Variants in ASS1 observed in about 807,000 individuals in gnomAD.
The protein encoded by ASS1 is argininosuccinate synthase 1, also known as argininosuccinate synthase.
ASS1 carries 58 observed loss-of-function variants against 60.5 expected under a neutral mutation model. The observed-to-expected ratio is 0.96, with a 90% CI of 0.78 to 1.19. The LOEUF (loss-of-function observed/expected upper bound fraction) is 1.19, where lower values mean the gene tolerates loss of function less well. Ranked by LOEUF, ASS1 falls within the 50% of genes most tolerant of loss-of-function variation. ASS1 has a pLI of 0.00. For synonymous variants in ASS1, 200 were observed against 206.9 expected, an observed-to-expected ratio of 0.97 and a Z score of 0.29; for missense variants, 454 against 547.3, an observed-to-expected ratio of 0.83 and a Z score of 1.70.
intron 1 of ASS1, among the ~76,000 whole-genome samples, chr9:130,446,053 T>C (rs1845186421): frequency 6.6e-6 from 1 of 152,230 alleles, no homozygotes; most frequent in Admixed American, 6.5e-5. Flanking sequence ...GGACTCGTCA[T>C]GTTGCCCAGG....
At chr9:130,500,268 T>C (rs1247054998) in intron 14 of ASS1, among the ~76,000 whole-genome samples, 1 of 152,164 alleles carries the variant, frequency 6.6e-6, no homozygotes, top group African/African-American at 2.4e-5. Flanking sequence ...TAAGCTGCTC[T>C]GGGACACTCT....
intron 13 of ASS1, among the ~76,000 whole-genome samples, chr9:130,499,076 G>A (rs1439823670): frequency 6.6e-6 from 1 of 152,206 alleles, no homozygotes; most frequent in Non-Finnish European, 1.5e-5. Flanking sequence ...AAATGCCCTT[G>A]TGCTATTGCA....
intron 1 of ASS1, among the ~76,000 whole-genome samples, chr9:130,450,030 G>A (rs908038368): frequency 6.6e-6 from 1 of 152,094 alleles, no homozygotes; most frequent in African/African-American, 2.4e-5. Context: ...AGAATTTCCC[G>A]CAACCCAACC....
At chr9:130,479,944 C>G in intron 10 of ASS1, 144 bp downstream of exon 10, 3 of 1,016,772 alleles carry the variant, frequency 3.0e-6, no homozygotes, top group Non-Finnish European at 4.7e-6. Context: ...CACAGAGTTT[C>G]CCGGACCAGG....
At chr9:130,482,798 GA>G (rs1205229962) in intron 11 of ASS1, among the ~76,000 whole-genome samples, 1 of 152,210 alleles carries the variant, frequency 6.6e-6, no homozygotes, top group Non-Finnish European at 1.5e-5. Context: ...CCCACCTGGG[GA>G]AAGCTTCCTG....
At position 130,491,146 on chromosome 9, in the gene ASS1, T is replaced by C. The variant is rs574294047; in HGVS notation, c.970+1682T>C. On this transcript the variant is annotated intron_variant, in intron 12 of 14. Coordinates refer to ENST00000352480, the MANE Select transcript of ASS1 (RefSeq NM_054012.4). The surrounding 1 kb of genome is among the most constrained non-coding windows in gnomAD (Gnocchi z 5.3). The stretch of plus-strand genomic sequence containing the variant: ...GGCTGGCGTTATTTCTCCCTGCCAT[T>C]GTTCCTTGCAGCTTTGAAGCCAAGT... 4.5e-4 allele frequency among the ~76,000 whole-genome samples: 68 copies of C among 152,340 alleles called. No individual in the cohort carries two copies. Among genetic ancestry groups the C allele is most frequent in the African/African-American group, 1.6e-3 (65 of 41,576 alleles).
At position 130,470,239 on chromosome 9, in the gene ASS1, C is replaced by T. The variant is rs1415687789; in HGVS notation, c.496-595C>T. 1.3e-5 allele frequency among the ~76,000 whole-genome samples: 2 copies of T among 152,198 alleles called. No homozygotes were observed. The highest frequency in any genetic ancestry group is 2.4e-5 in the African/African-American group (1 of 41,448). ...ACAACAGACTGGGCCATTTAGGAAG[C>T]GAAACAGAGCCAGAGCCGAGTGCCT... On this transcript the variant is annotated intron_variant, in intron 6 of 14. Coordinates refer to ENST00000352480, the MANE Select transcript of ASS1 (RefSeq NM_054012.4). This position sits in a 1 kb window ranked among gnomAD's most constrained non-coding sequence, Gnocchi z 4.3.
At chr9:130,455,645 T>C (rs190195857) in intron 3 of ASS1, among the ~76,000 whole-genome samples, 112 of 152,336 alleles carry the variant, frequency 7.4e-4, no homozygotes, top group Middle Eastern at 3.4e-3. Context: ...TACAGGGCAT[T>C]TATGATGAAC....
Position 130,458,605 on chromosome 9 carries a change from A to G in ASS1, c.363+16A>G, listed in dbSNP as rs191432165. 7.9e-4 allele frequency: 1,278 copies of G among 1,610,084 alleles called. 23 individuals carry two copies. In the East Asian group the frequency reaches 0.021, roughly 27 times the overall value. ...CACAGGAAAGGTGAGGCACCTGGGAAGGGCCGGGCAGAGGGAGATGGAGGC... is the reference window on the plus strand; with the variant it reads ...CACAGGAAAGGTGAGGCACCTGGGAGGGGCCGGGCAGAGGGAGATGGAGGC... On this transcript the variant is annotated intron_variant, in intron 4 of 14. Coordinates refer to ENST00000352480, the MANE Select transcript of ASS1 (RefSeq NM_054012.4).
At chr9:130,460,150 T>C (rs1375312882) in intron 4 of ASS1, among the ~76,000 whole-genome samples, 6 of 152,112 alleles carry the variant, frequency 3.9e-5, no homozygotes, top group Non-Finnish European at 5.9e-5. Context: ...GTGCTGATGG[T>C]GGGAAGTCCT....
chr9:130,468,379 A>G (rs1363563967), intron 6 of ASS1, among the ~76,000 whole-genome samples: 2 of 151,828 alleles, frequency 1.3e-5, no homozygotes, highest in Non-Finnish European at 2.9e-5. Context: ...AACACTCAGA[A>G]CCACCCCATC....
intron 4 of ASS1, among the ~76,000 whole-genome samples, 198 bp downstream of exon 4, chr9:130,458,787 C>T (rs867991581): frequency 4.6e-5 from 7 of 152,228 alleles, no homozygotes; most frequent in Admixed American, 4.6e-4. Context: ...ACCTGAACGC[C>T]CATTCTGAGT....
Position 130,501,084 on chromosome 9 carries a change from A to T in ASS1, c.*63A>T. ...GCAGATCCCCCAAGTACAGGCGCTA[A>T]TTGTTGTGATAATTTGTAATTGTGA... On this transcript the variant is annotated 3_prime_UTR_variant, in exon 15 of 15. Coordinates refer to ENST00000352480, the MANE Select transcript of ASS1 (RefSeq NM_054012.4). 4 of 1,515,322 alleles carry T rather than the reference A, an allele frequency of 2.6e-6. No individual in the cohort carries two copies. The allele number at this position is 1,515,322 out of a possible 1,614,324, so 93.9% of individuals were successfully genotyped here.
At chr9:130,463,737 T>G (rs1275707608) in intron 4 of ASS1, among the ~76,000 whole-genome samples, 1 of 152,168 alleles carries the variant, frequency 6.6e-6, no homozygotes, top group Non-Finnish European at 1.5e-5. Context: ...GAGCTTGATT[T>G]GGGGCAGGGC....
intron 1 of ASS1, among the ~76,000 whole-genome samples, chr9:130,449,047 A>G (rs1845265355): frequency 6.6e-6 from 1 of 152,132 alleles, no homozygotes; most frequent in African/African-American, 2.4e-5. Flanking sequence ...ATACAGCATG[A>G]TGGCCGGATG....
intron 13 of ASS1, 92 bp from the exon 14 acceptor site, chr9:130,499,413 T>A: frequency 7.5e-7 from 1 of 1,333,672 alleles, no homozygotes; most frequent in Non-Finnish European, 1.1e-6. Flanking sequence ...CCCTGGCATC[T>A]GGGAGGTGGG....
chr9:130,490,701 G>A (rs1846428524), intron 12 of ASS1, among the ~76,000 whole-genome samples: 1 of 152,192 alleles, frequency 6.6e-6, no homozygotes, highest in African/African-American at 2.4e-5. Flanking sequence ...GTGTTGCCGG[G>A]CACGGTGGCT....
rs2297598 is a variant in ASS1 at position 130,479,533 on chromosome 9, C to T, written c.689-183C>T. On this transcript the variant is annotated intron_variant, in intron 9 of 14. Transcript: ENST00000352480. ...TTTCTCTTTCATTCTGGGGGGCTTT[C>T]TCGCCCCTTCTCTCCCTGCAGCAGG... 4.6e-5 allele frequency among the ~76,000 whole-genome samples: 7 copies of T among 152,238 alleles called. No individual in the cohort carries two copies. The East Asian group carries it at 1.4e-3, about 29-fold the overall frequency.
rs200036163 is a variant in ASS1, at chr9:130,470,922, C to G, written c.566+18C>G. On this transcript the variant is annotated intron_variant, in intron 7 of 14. Transcript: ENST00000352480. The surrounding 1 kb of genome is among the most constrained non-coding windows in gnomAD (Gnocchi z 4.3). Reference sequence around the variant, plus strand: ...CACATCAGGTAAATCCCACCCTCCACCCATCCTTGGTCCTCCCGGGCTCAT... The same window carrying G: ...CACATCAGGTAAATCCCACCCTCCAGCCATCCTTGGTCCTCCCGGGCTCAT... The G allele has an allele frequency of 8.7e-6, 14 of 1,613,274 alleles. No homozygotes were observed. The African/African-American group carries it at 1.9e-4, about 22-fold the overall frequency.
Sources: gnomAD v4.1 joint callset for allele counts (sites outside exome capture counted in the v4.1 genomes callset) on GRCh38, gnomAD v4.1.1 for gene constraint, Gnocchi (gnomAD v3.1) non-coding constraint, MANE v1.5 for transcripts, NCBI Gene and HGNC (gene_info 2026-07-23, HGNC 2026-07-21) for gene names.